Variants in KCNH8 observed in about 807,000 individuals in gnomAD.
KCNH8 encodes voltage-gated delayed rectifier potassium channel KCNH8.
KCNH8 carries 70 observed loss-of-function variants against 103.6 expected under a neutral mutation model. The ratio of observed to expected loss-of-function variants is 0.68; its 90% CI spans 0.56 to 0.82. The LOEUF is 0.82. Ranked by LOEUF, KCNH8 falls within the 40% of genes least tolerant of loss-of-function variation. KCNH8 has a pLI of 0.00. For synonymous variants in KCNH8, 498 were observed against 489.4 expected (o/e 1.02, Z -0.23); for missense variants, 1,217 against 1,329.9 (o/e 0.92, Z 1.32).
intron 1 of KCNH8, among the ~76,000 whole-genome samples, chr3:19,190,500 G>A (rs1575424874): frequency 6.6e-6 from 1 of 151,836 alleles, no homozygotes; most frequent in Admixed American, 6.6e-5. Context: ...AAATTAATTC[G>A]ACTGTTGATG....
intron 2 of KCNH8, among the ~76,000 whole-genome samples, chr3:19,275,246 T>C (rs996529339): frequency 4.6e-5 from 7 of 152,048 alleles, no homozygotes; most frequent in African/African-American, 1.7e-4. Context: ...CAATATAGTA[T>C]GCGTATTCTA....
intron 15 of KCNH8, among the ~76,000 whole-genome samples, chr3:19,518,712 G>A (rs954613692): frequency 6.6e-6 from 1 of 151,922 alleles, no homozygotes; most frequent in African/African-American, 2.4e-5. Flanking sequence ...CCCCCAGTAA[G>A]ATCTCTTATA....
At chr3:19,227,257 C>T (rs773515279) in intron 1 of KCNH8, among the ~76,000 whole-genome samples, 2 of 152,154 alleles carry the variant, frequency 1.3e-5, no homozygotes, top group Admixed American at 6.6e-5. Context: ...CATTTCTTTC[C>T]ACCTGGGGCC....
chr3:19,435,540 C>T (rs2067186767), intron 7 of KCNH8, among the ~76,000 whole-genome samples: 1 of 152,194 alleles, frequency 6.6e-6, no homozygotes, highest in African/African-American at 2.4e-5. Context: ...GAAGCCCTCA[C>T]ATGGGCTCCA....
chr3:19,218,599 C>G (rs2063839871), intron 1 of KCNH8, among the ~76,000 whole-genome samples: 1 of 152,210 alleles, frequency 6.6e-6, no homozygotes, highest in African/African-American at 2.4e-5. Flanking sequence ...TTCACTTTCT[C>G]TCTGGCCTGA....
intron 3 of KCNH8, among the ~76,000 whole-genome samples, chr3:19,332,503 G>C (rs936047929): frequency 1.3e-5 from 2 of 152,118 alleles, no homozygotes; most frequent in Non-Finnish European, 2.9e-5. Context: ...GGCTTCATGA[G>C]GACATGCTTT....
chr3:19,351,400 C>T (rs922326731), intron 5 of KCNH8, among the ~76,000 whole-genome samples: 2 of 152,036 alleles, frequency 1.3e-5, no homozygotes, highest in Non-Finnish European at 2.9e-5. Context: ...CAGACGTACA[C>T]CTCAAGAAGA....
chr3:19,427,702 C>A (rs2067049499), intron 7 of KCNH8, among the ~76,000 whole-genome samples: 1 of 152,134 alleles, frequency 6.6e-6, no homozygotes, highest in African/African-American at 2.4e-5. Context: ...ATACACAGAA[C>A]ATTAAAACCC....
At chr3:19,192,844 A>T (rs569041470) in intron 1 of KCNH8, among the ~76,000 whole-genome samples, 1 of 151,614 alleles carries the variant, frequency 6.6e-6, no homozygotes, top group Non-Finnish European at 1.5e-5. Flanking sequence ...TCTGATTCCA[A>T]TAAAAGAGAT....
At chr3:19,345,578 ATG>A (rs2065718616) in intron 4 of KCNH8, among the ~76,000 whole-genome samples, 1 of 152,044 alleles carries the variant, frequency 6.6e-6, no homozygotes, top group Non-Finnish European at 1.5e-5. Flanking sequence ...TATAAATAAC[ATG>A]TCTTTCCCCC....
At chr3:19,277,870 G>A (rs1168576624) in intron 2 of KCNH8, among the ~76,000 whole-genome samples, 1 of 151,988 alleles carries the variant, frequency 6.6e-6, no homozygotes, top group African/African-American at 2.4e-5. Flanking sequence ...CAACCCACAT[G>A]GTAATTACTG....
At chr3:19,315,598 G>T (rs2125300070) in intron 3 of KCNH8, among the ~76,000 whole-genome samples, 1 of 152,032 alleles carries the variant, frequency 6.6e-6, no homozygotes, top group South Asian at 2.1e-4. Flanking sequence ...CTATTTAGAT[G>T]ACCTTAAAAA....
chr3:19,392,551 G>C (rs749442106), intron 6 of KCNH8, among the ~76,000 whole-genome samples: 10 of 151,926 alleles, frequency 6.6e-5, no homozygotes, highest in Non-Finnish European at 1.3e-4. Context: ...AATAACTTAT[G>C]AGTTATGCTC....
At position 19,252,767 on chromosome 3, in the gene KCNH8, T is replaced by A. The variant is rs148260705; in HGVS notation, c.77-887T>A. 3.5e-3 allele frequency among the ~76,000 whole-genome samples: 537 copies of A among 152,252 alleles called. 3 individuals are homozygous for A. Among genetic ancestry groups the A allele is most frequent in the African/African-American group, 0.012 (496 of 41,536 alleles). Reference sequence around the variant, plus strand: ...TTCACTAAGCACATAATATGCATAATCTCATTAATTCCTACAACACACCTA... The same window carrying A: ...TTCACTAAGCACATAATATGCATAAACTCATTAATTCCTACAACACACCTA... On this transcript the variant is annotated intron_variant, in intron 1 of 15. Transcript: ENST00000328405.
At chr3:19,392,941 A>G (rs1254463045) in intron 6 of KCNH8, among the ~76,000 whole-genome samples, 1 of 152,046 alleles carries the variant, frequency 6.6e-6, no homozygotes, top group Non-Finnish European at 1.5e-5. Flanking sequence ...GTTTTTGACC[A>G]GACTGAAAAT....
chr3:19,280,318 T>C (rs1483909780), intron 2 of KCNH8, among the ~76,000 whole-genome samples: 4 of 152,148 alleles, frequency 2.6e-5, no homozygotes, highest in Admixed American at 2.6e-4. Flanking sequence ...TACTGAAAAA[T>C]ACATGTAAGC....
At chr3:19,342,827 T>C (rs13320076) in intron 4 of KCNH8, 113 bp downstream of exon 4, 33,084 of 1,071,044 alleles carry the variant, frequency 0.031, 1,000 homozygotes, top group East Asian at 0.11. Flanking sequence ...GATTTTTTTT[T>C]CCACTTTGGT....
chr3:19,182,974 A>T (rs977299223), intron 1 of KCNH8, among the ~76,000 whole-genome samples: 1 of 152,350 alleles, frequency 6.6e-6, no homozygotes, highest in Admixed American at 6.5e-5. Context: ...ATACAGAAAA[A>T]ATTTAAGTAG....
chr3:19,179,206 T>C (rs982942844), intron 1 of KCNH8, among the ~76,000 whole-genome samples: 8 of 152,110 alleles, frequency 5.3e-5, no homozygotes, highest in African/African-American at 1.9e-4. Context: ...TGTTTATTAT[T>C]TGTTTCTCTA....
Sources: gnomAD v4.1 joint callset for allele counts (sites outside exome capture counted in the v4.1 genomes callset) on GRCh38, gnomAD v4.1.1 for gene constraint, MANE v1.5 for transcripts, NCBI Gene and HGNC (gene_info 2026-07-23, HGNC 2026-07-21) for gene names.